HIVEP1: variants seen among roughly 807,000 people sequenced by gnomAD.
HIVEP1 encodes the protein HIVEP zinc finger 1.
Under a neutral mutation model 180.0 loss-of-function variants are expected in HIVEP1, and 36 were observed. That is an observed-to-expected ratio of 0.20 (90% CI 0.15 to 0.26). HIVEP1 has a LOEUF of 0.26. Ranked by LOEUF, HIVEP1 falls within the 10% of genes least tolerant of loss-of-function variation. HIVEP1 has a pLI of 1.00. For missense variants in HIVEP1, 3,143 were observed against 3,268.7 expected (o/e 0.96, Z 0.94); for synonymous variants, 1,239 against 1,239.0 (o/e 1.00, Z 0.00).
intron 2 of HIVEP1, among the ~76,000 whole-genome samples, chr6:12,074,619 A>AGT (rs113951055): frequency 0.3 from 41,036 of 138,604 alleles, 5,726 homozygotes; most frequent in Non-Finnish European, 0.34. Context: ...TGTATGAAAA[A>AGT]GTGTGTGTGT....
chr6:12,033,996 T>G (rs1769121289), intron 2 of HIVEP1, among the ~76,000 whole-genome samples: 2 of 152,216 alleles, frequency 1.3e-5, no homozygotes, highest in African/African-American at 4.8e-5. Context: ...TTGGATGGGA[T>G]TAAGCAGACG....
the HIVEP1 span, among the ~76,000 whole-genome samples, chr6:12,190,868 A>G: frequency 3.9e-5 from 6 of 152,186 alleles, no homozygotes; most frequent in African/African-American, 1.4e-4. Context: ...TAAGACCAAA[A>G]GTTTGTATTA....
At chr6:12,078,914 G>A (rs1380950441) in intron 2 of HIVEP1, among the ~76,000 whole-genome samples, 1 of 152,020 alleles carries the variant, frequency 6.6e-6, no homozygotes, top group African/African-American at 2.4e-5. Flanking sequence ...AATTCAGGGT[G>A]TGGATGCATG....
intron 2 of HIVEP1, among the ~76,000 whole-genome samples, chr6:12,070,529 A>G (rs1771901217): frequency 1.3e-5 from 2 of 152,156 alleles, no homozygotes; most frequent in African/African-American, 2.4e-5. Context: ...GCCTCTACTA[A>G]AAAGAATTTT....
chr6:12,165,817 A>G (rs1044983887), downstream of HIVEP1, among the ~76,000 whole-genome samples: 3 of 152,198 alleles, frequency 2.0e-5, no homozygotes, highest in African/African-American at 4.8e-5. Context: ...GGGACAGCCT[A>G]TCTACTAAGG....
At chr6:12,096,977 T>G (rs1266250153) in intron 3 of HIVEP1, among the ~76,000 whole-genome samples, 1 of 152,072 alleles carries the variant, frequency 6.6e-6, no homozygotes, top group Non-Finnish European at 1.5e-5. Context: ...AGAAGGGTAT[T>G]GACAATTTAC....
chr6:12,042,558 CTCAA>C (rs1373984660), intron 2 of HIVEP1, among the ~76,000 whole-genome samples: 1 of 151,650 alleles, frequency 6.6e-6, no homozygotes, highest in East Asian at 1.9e-4. Context: ...CAGTGATTCT[CTCAA>C]TCTATATTTT....
Position 12,124,264 on chromosome 6 carries a change from A to G in HIVEP1, c.4469A>G (p.Asp1490Gly). The G allele has an allele frequency of 6.2e-7, 1 of 1,614,138 alleles. No individual in the cohort carries two copies. The highest frequency in any genetic ancestry group is 1.7e-5 in the Admixed American group (1 of 60,026). ...NTLHSQTQVKDLQAETSNSSS... is the reference protein window; with the variant it reads ...NTLHSQTQVKGLQAETSNSSS... ...TTGCACTCTCAGACTCAGGTTAAGGATCTGCAGGCAGAAACATCAAACTCC... is the reference window on the plus strand; with the variant it reads ...TTGCACTCTCAGACTCAGGTTAAGGGTCTGCAGGCAGAAACATCAAACTCC... The change falls in exon 4 of 9, where the codon GAT becomes GGT. Residue 1490 changes from aspartate to glycine, a missense_variant. By Grantham distance (94) the Asp-to-Gly change is moderately conservative. This residue lies in a region of HIVEP1 where 1,357 missense variants were observed against 1,260.5 expected (regional missense o/e 1.08). Coordinates refer to ENST00000379388, the MANE Select transcript of HIVEP1 (RefSeq NM_002114.4).
intron 3 of HIVEP1, among the ~76,000 whole-genome samples, chr6:12,102,775 AT>A (rs1401917187): frequency 6.6e-6 from 1 of 152,232 alleles, no homozygotes; most frequent in Non-Finnish European, 1.5e-5. Flanking sequence ...ATAACATTTG[AT>A]CTCATTTTCT....
chr6:12,039,986 A>C (rs1769563306), intron 2 of HIVEP1, among the ~76,000 whole-genome samples: 1 of 152,152 alleles, frequency 6.6e-6, no homozygotes, highest in African/African-American at 2.4e-5. Flanking sequence ...TGGAGTCCCC[A>C]ACTGTGGGGC....
At chr6:12,022,658 C>G (rs187605340) in intron 2 of HIVEP1, among the ~76,000 whole-genome samples, 1 of 152,170 alleles carries the variant, frequency 6.6e-6, no homozygotes, top group South Asian at 2.1e-4. Context: ...ACAGGGTACA[C>G]GCTCAATCCA....
At chr6:12,084,153 G>A (rs1176880390) in intron 2 of HIVEP1, among the ~76,000 whole-genome samples, 2 of 152,142 alleles carry the variant, frequency 1.3e-5, no homozygotes, top group Non-Finnish European at 2.9e-5. Context: ...GTCAGTGCTG[G>A]TTATTCTGGT....
chr6:12,127,770 A>G (rs529519280), intron 4 of HIVEP1, among the ~76,000 whole-genome samples: 110 of 152,338 alleles, frequency 7.2e-4, no homozygotes, highest in African/African-American at 2.6e-3. Context: ...AAGGATAAGA[A>G]TGAGCAGAAA....
intron 7 of HIVEP1, among the ~76,000 whole-genome samples, chr6:12,160,558 C>G (rs1315197403): frequency 6.6e-6 from 1 of 152,102 alleles, no homozygotes; most frequent in Admixed American, 6.5e-5. Flanking sequence ...GATGACTCAC[C>G]CAAACTGCTT....
At chr6:12,008,633 T>C (rs539374260), upstream of HIVEP1, 8 of 151,988 alleles carry the variant, frequency 5.3e-5, no homozygotes, top group East Asian at 1.4e-3. Context: ...GATCTGTCTA[T>C]CTTCTCGGCG....
At position 12,079,406 on chromosome 6, in the gene HIVEP1, A is replaced by G. The variant is rs370051376; in HGVS notation, c.41-9778A>G. Among the ~76,000 whole-genome samples, 5 of 152,276 alleles carry G rather than the reference A, an allele frequency of 3.3e-5. 1 individual carries two copies. Among genetic ancestry groups the G allele is most frequent in the African/African-American group, 1.2e-4 (5 of 41,558 alleles). On this transcript the variant is annotated intron_variant, in intron 2 of 8. Coordinates refer to ENST00000379388, the MANE Select transcript of HIVEP1 (RefSeq NM_002114.4). ...CTCTGGCTTTGGATTTTAGAGGTATAATTTAATTAGACATTCTTAGCCATG... is the reference window on the plus strand; with the variant it reads ...CTCTGGCTTTGGATTTTAGAGGTATGATTTAATTAGACATTCTTAGCCATG...
chr6:12,197,995 A>AC, the HIVEP1 span, among the ~76,000 whole-genome samples: 2 of 152,228 alleles, frequency 1.3e-5, no homozygotes. Flanking sequence ...AGTTGGCTGG[A>AC]CGTGGGTGTC....
At chr6:12,170,008 C>G in the HIVEP1 span, among the ~76,000 whole-genome samples, 1 of 151,870 alleles carries the variant, frequency 6.6e-6, no homozygotes, top group South Asian at 2.1e-4. Flanking sequence ...GTAGTCCCAG[C>G]TACTTGGGAG....
intron 2 of HIVEP1, among the ~76,000 whole-genome samples, chr6:12,076,019 C>G (rs1455486355): frequency 6.6e-6 from 1 of 152,082 alleles, no homozygotes; most frequent in African/African-American, 2.4e-5. Flanking sequence ...CTTTTGTATT[C>G]TTTTGATCTG....
Sources: allele counts gnomAD v4.1 joint callset (sites outside exome capture counted in the v4.1 genomes callset), GRCh38; gene constraint gnomAD v4.1.1; regional missense constraint gnomAD v4.1.1; transcripts MANE v1.5; gene names NCBI Gene and HGNC (gene_info 2026-07-23, HGNC 2026-07-21).